Variants in SEC24C observed in about 807,000 individuals in gnomAD.
SEC24C encodes the protein SEC24 homolog C, COPII component.
Under a neutral mutation model 117.0 loss-of-function variants are expected in SEC24C, and 22 were observed. The observed-to-expected ratio is 0.19, with a 90% CI of 0.13 to 0.27. The LOEUF (loss-of-function observed/expected upper bound fraction) is 0.27. SEC24C is among the 10% of genes least tolerant of loss of function. The probability of loss-of-function intolerance (pLI) is 1.00; values close to 1 mark genes in which losing one functional copy is unlikely to be tolerated. For missense variants in SEC24C, 1,155 were observed against 1,375.1 expected (o/e 0.84, Z 2.53); for synonymous variants, 506 against 529.4 (o/e 0.96, Z 0.61).
Position 73,767,140 on chromosome 10 carries a change from C to T in SEC24C, c.1980C>T (p.Asp660=), listed in dbSNP as rs1472287515. The T allele has an allele frequency of 3.7e-6, 6 of 1,613,416 alleles. No individual in the cohort carries two copies. The African/African-American group carries it at 8.0e-5, about 22-fold the overall frequency. ...CAGGGAAACTGAAGAACAGAGATGACAGGAAGCTGATCAATACAGACAAGG... is the reference window on the plus strand; with the variant it reads ...CAGGGAAACTGAAGAACAGAGATGATAGGAAGCTGATCAATACAGACAAGG... ...EAPGKLKNRD[D]RKLINTDKEK... is the part of the protein sequence containing the mutation. The change falls in exon 14 of 23, where the codon GAC becomes GAT. Residue 660 remains aspartate (D), a synonymous_variant. Coordinates refer to ENST00000345254, the MANE Select transcript of SEC24C (RefSeq NM_198597.3).
intron 2 of SEC24C, among the ~76,000 whole-genome samples, chr10:73,750,068 G>A (rs1036472667): frequency 3.9e-5 from 6 of 152,220 alleles, no homozygotes; most frequent in South Asian, 4.1e-4. Flanking sequence ...AAAAAATATT[G>A]TGATGAGATT....
chr10:73,760,070 G>T lies in SEC24C; in HGVS notation c.534G>T (p.Leu178=). The T allele has an allele frequency of 6.2e-7, 1 of 1,613,320 alleles. No homozygotes were observed. The highest frequency in any genetic ancestry group is 2.2e-5 in the East Asian group (1 of 44,862). ...SASGSFPNSG[L]YGSYPQGQAP... is the part of the protein sequence containing the mutation. ...CAGGAAGTTTCCCTAACTCTGGTCTGTATGGCTCCTATCCTCAGGGCCAGG... is the reference window on the plus strand; with the variant it reads ...CAGGAAGTTTCCCTAACTCTGGTCTTTATGGCTCCTATCCTCAGGGCCAGG... Residue 178 remains leucine, a synonymous_variant, in exon 5 of 23, where the codon CTG becomes CTT. Coordinates refer to ENST00000345254, the MANE Select transcript of SEC24C (RefSeq NM_198597.3).
At chr10:73,767,245 T>G in intron 14 of SEC24C, 75 bp downstream of exon 14, 1 of 961,160 alleles carries the variant, frequency 1.0e-6, no homozygotes, top group South Asian at 1.4e-5. Context: ...TTCTTGATGG[T>G]GGCTAGGACC....
At chr10:73,766,718 T>C (rs759744057) in intron 12 of SEC24C, 42 bp from the exon 13 acceptor site, 21 of 1,564,576 alleles carry the variant, frequency 1.3e-5, no homozygotes, top group Non-Finnish European at 1.8e-5. Flanking sequence ...ATCTGGAATC[T>C]GTATAGCAAT....
In SEC24C at chr10:73,759,698, C is replaced by T; in HGVS notation, c.385C>T (p.Pro129Ser). ...GCCACCTGTGCTTCAGCCCTATGGC[C>T]CTCCCCCGACAAGTGCACAGGTGGC... ...NQPPVLQPYG[P>S]PPTSAQVATQ... The change falls in exon 4 of 23, where the codon CCT (proline) becomes TCT (serine). Residue 129 changes from proline (P) to serine (S), a missense_variant. Pro to Ser is a moderately conservative substitution (Grantham distance 74). Around this residue, in one of 2 missense-constraint regions of SEC24C, gnomAD observed 396 missense variants for 382.8 expected, o/e 1.03. Transcript: ENST00000345254. 2.5e-6 allele frequency: 4 copies of T among 1,608,408 alleles called. No individual in the cohort carries two copies. The highest frequency in any genetic ancestry group is 3.4e-6 in the Non-Finnish European group (4 of 1,178,248).
At chr10:73,755,415 T>C (rs898256948) in intron 3 of SEC24C, among the ~76,000 whole-genome samples, 2 of 151,894 alleles carry the variant, frequency 1.3e-5, no homozygotes, top group Non-Finnish European at 2.9e-5. Flanking sequence ...CGGTGGCTCA[T>C]GCCTGTAATT....
At chr10:73,748,174 T>C (rs2082588542) in intron 2 of SEC24C, among the ~76,000 whole-genome samples, 1 of 152,158 alleles carries the variant, frequency 6.6e-6, no homozygotes. Context: ...CTCGCTCTGT[T>C]GCCCAGGCTG....
chr10:73,747,655 AT>A (rs774177202), intron 2 of SEC24C, among the ~76,000 whole-genome samples: 285 of 84,022 alleles, frequency 3.4e-3, no homozygotes, highest in Middle Eastern at 0.01. Flanking sequence ...CCTGGCCTGT[AT>A]TTTTTTTTTT....
chr10:73,766,920 TACA>T, intron 13 of SEC24C, 67 bp downstream of exon 13: 2 of 1,482,922 alleles, frequency 1.3e-6, no homozygotes, highest in Non-Finnish European at 1.9e-6. Context: ...TCCCCTGGGA[TACA>T]ACCTCTCTTT....
Position 73,754,488 on chromosome 10 carries a change from C to T in SEC24C, c.308+3245C>T, listed in dbSNP as rs537559658. On this transcript the variant is annotated intron_variant, in intron 3 of 22. Coordinates refer to ENST00000345254, the MANE Select transcript of SEC24C (RefSeq NM_198597.3). ...AACCCACATCCAATTCTATTGATTC[C>T]ACCTTCAAGATGTATCCCAAATCTC... Among the ~76,000 whole-genome samples, 129 of 152,250 alleles carry T rather than the reference C, an allele frequency of 8.5e-4. 1 individual carries two copies. The highest frequency in any genetic ancestry group is 1.0e-3 in the Non-Finnish European group (69 of 68,014).
At chr10:73,748,580 CAT>C in intron 2 of SEC24C, among the ~76,000 whole-genome samples, 1 of 148,314 alleles carries the variant, frequency 6.7e-6, no homozygotes, top group Non-Finnish European at 1.5e-5. Context: ...GGATTACAGG[CAT>C]GTGCCACCAC....
At chr10:73,753,772 T>C (rs2132532692) in intron 3 of SEC24C, among the ~76,000 whole-genome samples, 1 of 152,346 alleles carries the variant, frequency 6.6e-6, no homozygotes, top group East Asian at 1.9e-4. Context: ...GCTCCACCTC[T>C]GTCTTCTTTT....
chr10:73,768,983 C>G (rs770778337), intron 16 of SEC24C, 24 bp from the exon 17 acceptor site: 36 of 1,614,056 alleles, frequency 2.2e-5, no homozygotes, highest in Non-Finnish European at 3.0e-5. Flanking sequence ...ACTTTTTGCC[C>G]TGACCCTGTC....
intron 5 of SEC24C, 133 bp from the exon 6 acceptor site, chr10:73,760,580 T>A (rs1565042501): frequency 1.2e-5 from 14 of 1,190,610 alleles, no homozygotes; most frequent in East Asian, 9.6e-5. Flanking sequence ...ACATGGTATT[T>A]TTCTGAATGT....
intron 12 of SEC24C, 50 bp downstream of exon 12, chr10:73,766,591 C>A: frequency 1.3e-6 from 2 of 1,554,298 alleles, no homozygotes; most frequent in Non-Finnish European, 1.7e-6. Context: ...TGGGTACCAC[C>A]ATAGAAGGTC....
At chr10:73,767,760 GC>G in intron 14 of SEC24C, 76 bp from the exon 15 acceptor site, 2 of 1,126,852 alleles carry the variant, frequency 1.8e-6, no homozygotes, top group Admixed American at 5.0e-5. Context: ...AATATCCCAT[GC>G]TAGATATACA....
chr10:73,760,173 T>C lies in SEC24C; in HGVS notation c.637T>C (p.Phe213Leu). 6.2e-7 allele frequency: 1 copy of C among 1,614,134 alleles called. No individual in the cohort carries two copies. The highest frequency in any genetic ancestry group is 8.5e-7 in the Non-Finnish European group (1 of 1,180,014). The part of the protein sequence containing the change: ...QRSAPSQASS[F>L]TPPASGGPRL... ...ATCTGCCCCATCACAGGCCTCCAGC[T>C]TCACACCCCCAGCTTCAGGGGGTCC... The change falls in exon 5 of 23, where the codon TTC (phenylalanine) becomes CTC (leucine). Residue 213 changes from phenylalanine (F) to leucine (L), a missense_variant. Around this residue, in one of 2 missense-constraint regions of SEC24C, gnomAD observed 396 missense variants for 382.8 expected, o/e 1.03. Coordinates refer to ENST00000345254, the MANE Select transcript of SEC24C (RefSeq NM_198597.3).
chr10:73,759,716 C>G lies in SEC24C; in HGVS notation c.403C>G (p.Gln135Glu). The stretch of plus-strand genomic sequence containing the variant: ...CTATGGCCCTCCCCCGACAAGTGCA[C>G]AGGTGGCTACGCAGCTGTCTGGAAT... ...QPYGPPPTSAQVATQLSGMQI... is the reference protein window; with the variant it reads ...QPYGPPPTSAEVATQLSGMQI... Residue 135 changes from glutamine (Q) to glutamate (E), a missense_variant, in exon 4 of 23, where the codon CAG becomes GAG. By Grantham distance (29) the Gln-to-Glu change is conservative. Coordinates refer to ENST00000345254, the MANE Select transcript of SEC24C (RefSeq NM_198597.3). 1 of 1,610,484 alleles carries G rather than the reference C, an allele frequency of 6.2e-7. No homozygotes were observed. Among genetic ancestry groups the G allele is most frequent in the Non-Finnish European group, 8.5e-7 (1 of 1,179,174 alleles).
At chr10:73,759,143 C>G (rs2082756455) in intron 3 of SEC24C, among the ~76,000 whole-genome samples, 1 of 151,812 alleles carries the variant, frequency 6.6e-6, no homozygotes, top group Non-Finnish European at 1.5e-5. Flanking sequence ...CTGCAATGAG[C>G]TGTGATCACA....
Sources: allele counts gnomAD v4.1 joint callset (sites outside exome capture counted in the v4.1 genomes callset), GRCh38; gene constraint gnomAD v4.1.1; regional missense constraint gnomAD v4.1.1; transcripts MANE v1.5; gene names NCBI Gene and HGNC (gene_info 2026-07-23, HGNC 2026-07-21).